The following IL1RAPL2 variants were observed in gnomAD, a reference collection of about 807,000 sequenced individuals.
The protein encoded by IL1RAPL2 is X-linked interleukin-1 receptor accessory protein-like 2.
Under a neutral mutation model 44.1 loss-of-function variants are expected in IL1RAPL2, and 3 were observed. That is an observed-to-expected ratio of 0.07 (90% CI 0.03 to 0.18). IL1RAPL2 has a LOEUF of 0.18. Among genes scored for constraint, IL1RAPL2 ranks in the 10% least tolerant of loss-of-function variants. The pLI, the probability that IL1RAPL2 is intolerant of heterozygous loss-of-function variation, is 1.00. For missense variants in IL1RAPL2, 391 were observed against 496.4 expected, an observed-to-expected ratio of 0.79 and a Z score of 2.02; for synonymous variants, 181 against 178.8, an observed-to-expected ratio of 1.01 and a Z score of -0.10.
At chrX:104,715,157 A>C (rs1931533196) in intron 2 of IL1RAPL2, among the ~76,000 whole-genome samples, 1 of 108,972 alleles carries the variant, frequency 9.2e-6, no homozygotes, top group Admixed American at 9.9e-5. Flanking sequence ...TAAGTTTTGG[A>C]GCTCATTATT....
In IL1RAPL2 at chrX:105,309,120, C is replaced by T. The variant is rs540253318; in HGVS notation, c.697+41579C>T. Among the ~76,000 whole-genome samples the T allele has an allele frequency of 6.4e-5, 7 of 110,051 alleles. No homozygotes were observed. In the South Asian group the frequency reaches 2.4e-3, roughly 38 times the overall value. ...CACAATCTCTGCTCACTGCAACCTC[C>T]GCCTCTCGGGTTCAAGTGATTCTCT... On this transcript the variant is annotated intron_variant, in intron 5 of 10. Coordinates refer to ENST00000372582, the MANE Select transcript of IL1RAPL2 (RefSeq NM_017416.2).
intron 2 of IL1RAPL2, among the ~76,000 whole-genome samples, chrX:105,044,821 C>G (rs1405625878): frequency 9.0e-6 from 1 of 111,132 alleles, no homozygotes; most frequent in Non-Finnish European, 1.9e-5. Context: ...GGCTTAGGAA[C>G]AGTAGGCCCA....
intron 6 of IL1RAPL2, among the ~76,000 whole-genome samples, chrX:105,513,417 C>T (rs1050654023): frequency 4.5e-5 from 5 of 111,615 alleles, no homozygotes; most frequent in Admixed American, 3.8e-4. Context: ...TCTCCACATC[C>T]TCTCTAGCAT....
chrX:105,023,174 C>A (rs1358965694), intron 2 of IL1RAPL2, among the ~76,000 whole-genome samples: 1 of 110,474 alleles, frequency 9.1e-6, no homozygotes, highest in Non-Finnish European at 1.9e-5. Context: ...AAGTAGGAAC[C>A]CCAATTTTAG....
At chrX:105,702,205 A>T in intron 6 of IL1RAPL2, among the ~76,000 whole-genome samples, 1 of 111,385 alleles carries the variant, frequency 9.0e-6, no homozygotes, top group Non-Finnish European at 1.9e-5. Flanking sequence ...GCAGAAAAAA[A>T]TGTTTTGCAG....
intron 6 of IL1RAPL2, among the ~76,000 whole-genome samples, chrX:105,626,991 C>T (rs1347797909): frequency 3.6e-5 from 4 of 110,859 alleles, no homozygotes; most frequent in Non-Finnish European, 7.6e-5. Context: ...AAACCTAGTG[C>T]AATAATAACA....
At chrX:105,503,337 A>C (rs1015177734) in intron 6 of IL1RAPL2, among the ~76,000 whole-genome samples, 1 of 111,003 alleles carries the variant, frequency 9.0e-6, no homozygotes, top group African/African-American at 3.3e-5. Flanking sequence ...GTACTCCCCA[A>C]AAGTTCCCAG....
In IL1RAPL2 at chrX:105,424,318, G is replaced by A. The variant is rs779636082; in HGVS notation, c.698-59995G>A. On this transcript the variant is annotated intron_variant, in intron 5 of 10. Transcript: ENST00000372582. The stretch of plus-strand genomic sequence containing the variant: ...GCAGGACAACTCAAAGTGGAGAATG[G>A]TCTTCCAGGTCATAGGTAGATAAGA... Among the ~76,000 whole-genome samples, 4 of 111,076 alleles carry A rather than the reference G, an allele frequency of 3.6e-5. No homozygotes were observed. The South Asian group carries it at 1.6e-3, about 43-fold the overall frequency.
At chrX:104,867,487 A>G (rs1602768818) in intron 2 of IL1RAPL2, among the ~76,000 whole-genome samples, 2 of 111,643 alleles carry the variant, frequency 1.8e-5, no homozygotes, top group African/African-American at 6.5e-5. Flanking sequence ...AACCATGCTT[A>G]TTGAGCCATA....
intron 2 of IL1RAPL2, among the ~76,000 whole-genome samples, chrX:105,148,854 T>C (rs1018229002): frequency 5.4e-5 from 6 of 111,563 alleles, no homozygotes; most frequent in Admixed American, 3.8e-4. Context: ...TAAAAGAAGC[T>C]CAAAGAATCT....
At chrX:105,595,625 GTTTT>G (rs1190923775) in intron 6 of IL1RAPL2, among the ~76,000 whole-genome samples, 2 of 110,877 alleles carry the variant, frequency 1.8e-5, no homozygotes, top group Non-Finnish European at 3.8e-5. Flanking sequence ...TTGTTTGTTT[GTTTT>G]TCTTGCAGTG....
At chrX:104,978,564 T>G (rs889328082) in intron 2 of IL1RAPL2, among the ~76,000 whole-genome samples, 1 of 111,935 alleles carries the variant, frequency 8.9e-6, no homozygotes, top group Non-Finnish European at 1.9e-5. Context: ...TAGCTCTGGA[T>G]GTACCAGCTA....
intron 1 of IL1RAPL2, among the ~76,000 whole-genome samples, chrX:104,623,256 T>C (rs747730046): frequency 2.2e-4 from 24 of 110,455 alleles, no homozygotes; most frequent in Non-Finnish European, 4.3e-4. Context: ...GACCTCTAGA[T>C]ATTTGGCTTC....
chrX:105,042,523 A>G (rs1337958468), intron 2 of IL1RAPL2, among the ~76,000 whole-genome samples: 1 of 107,331 alleles, frequency 9.3e-6, no homozygotes, highest in African/African-American at 3.4e-5. Context: ...CAAAACCACA[A>G]TGAGATACCA....
At chrX:104,773,709 C>A (rs1302803350) in intron 2 of IL1RAPL2, among the ~76,000 whole-genome samples, 1 of 112,293 alleles carries the variant, frequency 8.9e-6, no homozygotes, top group Non-Finnish European at 1.9e-5. Flanking sequence ...GGAGTTGCTA[C>A]AGCCATCATG....
At chrX:105,751,387 TTA>T in intron 9 of IL1RAPL2, among the ~76,000 whole-genome samples, 1 of 112,231 alleles carries the variant, frequency 8.9e-6, no homozygotes, top group East Asian at 2.8e-4. Flanking sequence ...ATACAATTTA[TTA>T]TGTTAATCTA....
chrX:104,699,483 G>A (rs988335373), intron 2 of IL1RAPL2, among the ~76,000 whole-genome samples: 10 of 111,579 alleles, frequency 9.0e-5, no homozygotes, highest in Admixed American at 1.9e-4. Context: ...GACAGGAGGC[G>A]GAGTTCAGGC....
At chrX:105,028,114 T>C (rs973869455) in intron 2 of IL1RAPL2, among the ~76,000 whole-genome samples, 1 of 110,749 alleles carries the variant, frequency 9.0e-6, no homozygotes, top group African/African-American at 3.3e-5. Context: ...ACCTATGGGA[T>C]CTAAAAATGA....
chrX:104,602,895 C>T lies in IL1RAPL2; in HGVS notation c.-20+35844C>T, dbSNP rs778518447. 2.7e-4 allele frequency among the ~76,000 whole-genome samples: 30 copies of T among 111,597 alleles called. 2 individuals carry two copies. In the East Asian group the frequency reaches 6.3e-3, roughly 23 times the overall value. The stretch of plus-strand genomic sequence containing the variant: ...ACCTGGGGAAAGGGGCAGTTGTGGG[C>T]GAAGCTTCAGCAGACTTAAATGCCC... On this transcript the variant is annotated intron_variant, in intron 1 of 10. Transcript: ENST00000372582.
Sources: gnomAD v4.1 joint callset for allele counts (sites outside exome capture counted in the v4.1 genomes callset) on GRCh38, gnomAD v4.1.1 for gene constraint, MANE v1.5 for transcripts, NCBI Gene and HGNC (gene_info 2026-07-23, HGNC 2026-07-21) for gene names.